Variants in LSAMP observed in about 807,000 individuals in gnomAD.
The protein encoded by LSAMP is limbic system-associated membrane protein.
In LSAMP, 7 loss-of-function variants were observed where a neutral mutation model predicts 38.6. That is an observed-to-expected ratio of 0.18 (90% confidence interval 0.10 to 0.34). The LOEUF is 0.34. LSAMP is among the 10% of genes least tolerant of loss of function. The pLI, the probability that LSAMP is intolerant of heterozygous loss-of-function variation, is 1.00. For synonymous variants in LSAMP, 154 were observed against 166.8 expected (o/e 0.92, Z 0.59); for missense variants, 313 against 420.0 (o/e 0.75, Z 2.23).
chr3:116,004,273 G>A (rs920683762), intron 3 of LSAMP, among the ~76,000 whole-genome samples: 2 of 151,812 alleles, frequency 1.3e-5, no homozygotes, highest in African/African-American at 2.4e-5. Flanking sequence ...AAAAATTCAG[G>A]CCAAGGCTAA....
intron 3 of LSAMP, among the ~76,000 whole-genome samples, chr3:115,920,913 T>C (rs1448872662): frequency 6.6e-6 from 1 of 152,028 alleles, no homozygotes; most frequent in African/African-American, 2.4e-5. Context: ...AATTGTTATA[T>C]CTTCCTGGTG....
At chr3:115,949,131 T>C (rs375792488) in intron 3 of LSAMP, among the ~76,000 whole-genome samples, 3 of 152,252 alleles carry the variant, frequency 2.0e-5, no homozygotes, top group African/African-American at 7.2e-5. Flanking sequence ...TGGTGGTGCA[T>C]GCCTGTAATC....
intron 1 of LSAMP, among the ~76,000 whole-genome samples, chr3:116,423,991 G>T (rs1238937350): frequency 1.3e-5 from 2 of 152,100 alleles, no homozygotes; most frequent in African/African-American, 4.8e-5. Flanking sequence ...AACAGGTGAT[G>T]GAAACAAATG....
chr3:116,110,642 A>G (rs988672124), intron 1 of LSAMP, among the ~76,000 whole-genome samples: 4 of 152,196 alleles, frequency 2.6e-5, no homozygotes, highest in African/African-American at 9.7e-5. Flanking sequence ...GTGTAAAAAG[A>G]GGCCGCTTAC....
rs138353047 is a variant in LSAMP, at chr3:116,441,935, T to A, written c.155+2942A>T. ...AGTTGGTATTGTGGTTATCTTTAGT[T>A]CTTTATATAATTTCTCACACAGGTC... On this transcript the variant is annotated intron_variant, in intron 1 of 6. Coordinates refer to ENST00000490035, the MANE Select transcript of LSAMP (RefSeq NM_002338.5). Among the ~76,000 whole-genome samples the A allele has an allele frequency of 8.7e-3, 1,322 of 152,334 alleles. 24 individuals carry two copies. Among genetic ancestry groups the A allele is most frequent in the African/African-American group, 0.031 (1,272 of 41,564 alleles).
At chr3:115,853,076 A>G (rs1266448812) in intron 3 of LSAMP, among the ~76,000 whole-genome samples, 2 of 152,234 alleles carry the variant, frequency 1.3e-5, no homozygotes, top group Admixed American at 1.3e-4. Context: ...CAAATCATAA[A>G]GTGCTCTGAG....
At chr3:116,411,203 TG>T (rs1284108851) in intron 1 of LSAMP, among the ~76,000 whole-genome samples, 1 of 152,066 alleles carries the variant, frequency 6.6e-6, no homozygotes, top group African/African-American at 2.4e-5. Context: ...TCAACCATTG[TG>T]GAAGTCAGTA....
chr3:115,913,309 T>A (rs1223515838), intron 3 of LSAMP, among the ~76,000 whole-genome samples: 2 of 152,238 alleles, frequency 1.3e-5, no homozygotes, highest in Non-Finnish European at 2.9e-5. Flanking sequence ...TCTCTCTGAC[T>A]TCATATTCCT....
chr3:116,182,952 G>A (rs1396629208), intron 1 of LSAMP, among the ~76,000 whole-genome samples: 2 of 151,838 alleles, frequency 1.3e-5, no homozygotes, highest in African/African-American at 2.4e-5. Flanking sequence ...ATGGGGTGGA[G>A]TTGAAGCTTA....
At chr3:116,144,304 A>G (rs1709440650) in intron 1 of LSAMP, among the ~76,000 whole-genome samples, 2 of 151,936 alleles carry the variant, frequency 1.3e-5, no homozygotes, top group African/African-American at 4.8e-5. Context: ...TGGGAGACCA[A>G]TGCGAGAGGA....
At chr3:115,823,642 TA>T (rs946363848) in intron 6 of LSAMP, among the ~76,000 whole-genome samples, 2 of 152,082 alleles carry the variant, frequency 1.3e-5, no homozygotes, top group East Asian at 1.9e-4. Flanking sequence ...TGCATTTTTT[TA>T]AAAAAAACCT....
intron 1 of LSAMP, among the ~76,000 whole-genome samples, chr3:116,172,352 C>CTTT (rs200181227): frequency 2.1e-5 from 3 of 142,850 alleles, no homozygotes; most frequent in African/African-American, 7.6e-5. Flanking sequence ...TAAGGCTTTC[C>CTTT]TTTTTTTTTT....
intron 1 of LSAMP, among the ~76,000 whole-genome samples, chr3:116,444,367 T>C (rs976251219): frequency 3.7e-5 from 4 of 106,814 alleles, no homozygotes; most frequent in African/African-American, 1.2e-4. Flanking sequence ...TGTGTGTGTA[T>C]GTGTGTGTGT....
chr3:116,068,368 T>C (rs887413407), intron 2 of LSAMP, among the ~76,000 whole-genome samples: 2 of 152,226 alleles, frequency 1.3e-5, no homozygotes, highest in Non-Finnish European at 1.5e-5. Flanking sequence ...TCTTCTTCCT[T>C]GGAACAATTT....
intron 1 of LSAMP, among the ~76,000 whole-genome samples, chr3:116,395,803 G>A (rs1404679212): frequency 2.0e-5 from 3 of 152,090 alleles, no homozygotes; most frequent in Non-Finnish European, 4.4e-5. Flanking sequence ...AGCATTTACT[G>A]GCCACAGAAA....
intron 1 of LSAMP, among the ~76,000 whole-genome samples, chr3:116,208,413 T>A (rs1394296284): frequency 6.6e-6 from 1 of 152,222 alleles, no homozygotes; most frequent in Admixed American, 6.5e-5. Context: ...TCAAAGTCAT[T>A]CTCCGTCTAG....
chr3:116,415,048 G>C (rs2049030788), intron 1 of LSAMP, among the ~76,000 whole-genome samples: 1 of 151,584 alleles, frequency 6.6e-6, no homozygotes, highest in African/African-American at 2.4e-5. Context: ...TTCTTCCAAA[G>C]ATTTTGCTTA....
intron 1 of LSAMP, among the ~76,000 whole-genome samples, chr3:116,110,677 T>C (rs1708586802): frequency 6.6e-6 from 1 of 152,062 alleles, no homozygotes; most frequent in Admixed American, 6.5e-5. Context: ...GTGAGATATT[T>C]CTTGGGCTGG....
intron 1 of LSAMP, among the ~76,000 whole-genome samples, chr3:116,164,739 T>TATAAA (rs1553709478): frequency 5.6e-5 from 4 of 71,896 alleles, no homozygotes; most frequent in African/African-American, 2.3e-4. Context: ...AATATATATA[T>TATAAA]ATCCATATAT....
Sources: allele counts gnomAD v4.1 joint callset (sites outside exome capture counted in the v4.1 genomes callset), GRCh38; gene constraint gnomAD v4.1.1; transcripts MANE v1.5; gene names NCBI Gene and HGNC (gene_info 2026-07-23, HGNC 2026-07-21).